The following TFAP4 variants were observed in gnomAD, a reference collection of about 807,000 sequenced individuals.
The protein encoded by TFAP4 is transcription factor AP-4.
Under a neutral mutation model 40.4 loss-of-function variants are expected in TFAP4, and 7 were observed. The ratio of observed to expected loss-of-function variants is 0.17; its 90% CI spans 0.10 to 0.33. The LOEUF (loss-of-function observed/expected upper bound fraction) is 0.33, where lower values mean the gene tolerates loss of function less well. Ranked by LOEUF, TFAP4 falls within the 10% of genes least tolerant of loss-of-function variation. TFAP4 has a pLI of 1.00. For missense variants in TFAP4, 374 were observed against 451.1 expected, an observed-to-expected ratio of 0.83 and a Z score of 1.55; for synonymous variants, 218 against 181.4, an observed-to-expected ratio of 1.20 and a Z score of -1.62.
chr16:4,265,609 C>CAAGA (rs2052987637), intron 1 of TFAP4: 5 of 39,086 alleles, frequency 1.3e-4, no homozygotes, highest in Non-Finnish European at 1.8e-4. Context: ...GACCTTGTCT[C>CAAGA]AAAAAAAAAA....
At chr16:4,272,094 C>T (rs1013204239) in intron 1 of TFAP4, among the ~76,000 whole-genome samples, 1 of 151,214 alleles carries the variant, frequency 6.6e-6, no homozygotes, top group East Asian at 2.0e-4. Flanking sequence ...TCCGCCCACC[C>T]CCAACACCCA....
At position 4,257,871 on chromosome 16, in the gene TFAP4, C is replaced by G; in HGVS notation, c.*184G>C. The G allele has an allele frequency of 1.5e-6, 1 of 645,266 alleles. No individual in the cohort carries two copies. The highest frequency in any genetic ancestry group is 3.0e-5 in the East Asian group (1 of 33,408). The allele number at this position is 645,266 out of a possible 1,614,324, so 40.0% of individuals were successfully genotyped here. On this transcript the variant is annotated 3_prime_UTR_variant, in exon 7 of 7. Transcript: ENST00000204517. ...CACACGCTCTGCGACACCCCAGCCC[C>G]GGGACCTCGGGTTGAGTGGCTTCGT...
chr16:4,258,336 AC>A, intron 6 of TFAP4, 87 bp from the exon 7 acceptor site: 1 of 1,305,170 alleles, frequency 7.7e-7, no homozygotes, highest in Non-Finnish European at 1.1e-6. Flanking sequence ...AGCCACTGTC[AC>A]CCCCAAAACA....
At chr16:4,258,986 G>A in intron 6 of TFAP4, among the ~76,000 whole-genome samples, 1 of 152,016 alleles carries the variant, frequency 6.6e-6, no homozygotes, top group East Asian at 2.0e-4. Context: ...TACTTGGGAG[G>A]CTGAGGCAGG....
At position 4,262,427 on chromosome 16, in the gene TFAP4, G is replaced by C; in HGVS notation, c.256-5C>G. 6.2e-7 allele frequency: 1 copy of C among 1,614,160 alleles called. No homozygotes were observed. The highest frequency in any genetic ancestry group is 8.5e-7 in the Non-Finnish European group (1 of 1,180,022). On this transcript the variant is annotated splice_polypyrimidine_tract_variant and splice_region_variant and intron_variant, in intron 2 of 6. Coordinates refer to ENST00000204517, the MANE Select transcript of TFAP4 (RefSeq NM_003223.3). The stretch of plus-strand genomic sequence containing the variant: ...TGTCTGCTGGAGAATGGCTGCCTGA[G>C]GGCGTGGAAAAGCCGAGAGTCAGGC...
In TFAP4 at chr16:4,258,203, T is replaced by C. The variant is rs768098928; in HGVS notation, c.869A>G (p.Glu290Gly). The C allele has an allele frequency of 1.3e-5, 21 of 1,608,828 alleles. No individual in the cohort carries two copies. The highest frequency in any genetic ancestry group is 1.2e-5 in the Non-Finnish European group (14 of 1,176,232). Residue 290 changes from glutamate (E) to glycine (G), a missense_variant, in exon 7 of 7, where the codon GAG becomes GGG. Physicochemically the swap from Glu to Gly is moderately conservative, Grantham distance 98 (BLOSUM62 -2). Coordinates refer to ENST00000204517, the MANE Select transcript of TFAP4 (RefSeq NM_003223.3). ...CACGATGACAGCTCGCCGCTGCTCC[T>C]CCTCCAGCTCCTGCTTTTCCTGGGT... is the stretch of plus-strand genomic sequence containing the variant. ...EGTQEKQELE[E>G]EQRRAVIVKP...
intron 1 of TFAP4, among the ~76,000 whole-genome samples, chr16:4,272,156 A>T (rs1206792258): frequency 6.7e-6 from 1 of 149,868 alleles, no homozygotes; most frequent in Non-Finnish European, 1.5e-5. Flanking sequence ...AAACACGCAC[A>T]GTGCCCGGCT....
rs1483582889 is a variant in TFAP4, at chr16:4,261,843, T to C, written c.461A>G (p.Glu154Gly). ...CAGCTGCTGCCGCAGCTCAATCATC[T>C]CCCGCCGCAGGTCCTCCGCCTTCTC... ...EDEKAEDLRR[E>G]MIELRQQLDK... Residue 154 changes from glutamate (E) to glycine (G), a missense_variant, in exon 4 of 7, where the codon GAG becomes GGG. Around this residue, in one of 6 missense-constraint regions of TFAP4, gnomAD observed 161 missense variants for 154.2 expected, o/e 1.04. Coordinates refer to ENST00000204517, the MANE Select transcript of TFAP4 (RefSeq NM_003223.3). 1 of 1,612,544 alleles carries C rather than the reference T, an allele frequency of 6.2e-7. No homozygotes were observed. Among genetic ancestry groups the C allele is most frequent in the African/African-American group, 1.3e-5 (1 of 75,010 alleles).
rs774685047 is a variant in TFAP4, at chr16:4,258,123, C to CGGA, written c.946_948dup (p.Ser316dup). 73 of 1,613,758 alleles carry CGGA rather than the reference C, an allele frequency of 4.5e-5. 2 individuals are homozygous for CGGA. The South Asian group carries it at 7.5e-4, about 17-fold the overall frequency. On this transcript the variant is annotated inframe_insertion, in exon 7 of 7. Transcript: ENST00000204517. ...TCCATGGCGTCACTGTCTGAGGCCT[C>CGGA]GGAGTCGGAGGCGGTGTCAGAGGTG...
rs767712582 is a variant in TFAP4, at chr16:4,258,198, GCTC to G, written c.871_873del (p.Glu291del). The G allele has an allele frequency of 5.0e-6, 8 of 1,610,852 alleles. No homozygotes were observed. In the African/African-American group the frequency reaches 9.4e-5, roughly 19 times the overall value. ...GGCTTCACGATGACAGCTCGCCGCT[GCTC>G]CTCCTCCAGCTCCTGCTTTTCCTGG... On this transcript the variant is annotated inframe_deletion, in exon 7 of 7. Transcript: ENST00000204517.
In TFAP4 at chr16:4,262,215, T is replaced by C. The variant is rs1439257499; in HGVS notation, c.354+109A>G. On this transcript the variant is annotated intron_variant, in intron 3 of 6. Transcript: ENST00000204517. ...CAGGAAAAAAAGTGCCTGGAAGTACTTGTCAGTGGGCAAGAAGGGGCCTGC... is the reference window on the plus strand; with the variant it reads ...CAGGAAAAAAAGTGCCTGGAAGTACCTGTCAGTGGGCAAGAAGGGGCCTGC... The C allele has an allele frequency of 9.2e-6, 12 of 1,298,820 alleles. No individual in the cohort carries two copies. The South Asian group carries it at 1.2e-4, about 13-fold the overall frequency. The allele number at this position is 1,298,820 out of a possible 1,614,324, so 80.5% of individuals were successfully genotyped here. A position where few individuals can be genotyped will look rare whatever the true frequency, so the allele number is the denominator to read the frequency against.
rs1359109346 is a variant in TFAP4 at position 4,262,468 on chromosome 16, G to T, written c.256-46C>A. On this transcript the variant is annotated intron_variant, in intron 2 of 6. Transcript: ENST00000204517. ...AGAGTCAGGCTGGCAGTGTTTACCA[G>T]AGCTCACTTTCCTCTCCCAGCGGGA... The T allele has an allele frequency of 1.9e-6, 3 of 1,613,808 alleles. No homozygotes were observed. The South Asian group carries it at 3.3e-5, about 18-fold the overall frequency.
chr16:4,267,693 C>T (rs893318748), intron 1 of TFAP4, among the ~76,000 whole-genome samples: 3 of 152,230 alleles, frequency 2.0e-5, no homozygotes, highest in African/African-American at 7.2e-5. Flanking sequence ...TTTCACACTG[C>T]CCTGAAGTCA....
At chr16:4,264,317 C>G (rs2052973258) in intron 1 of TFAP4, 1 of 152,586 alleles carries the variant, frequency 6.6e-6, no homozygotes, top group Non-Finnish European at 1.5e-5. Context: ...CCCATCTGTC[C>G]AGCCTTGGCT....
chr16:4,260,224 T>TGGGGGTGGGGGGG lies in TFAP4; in HGVS notation c.687_688insCCCCCCCACCCCC (p.Thr230ProfsTer86). 8.9e-6 allele frequency: 2 copies of TGGGGGTGGGGGGG among 223,748 alleles called. No individual in the cohort carries two copies. The highest frequency in any genetic ancestry group is 1.6e-5 in the Non-Finnish European group (2 of 126,026). 13.9% of individuals were successfully genotyped at this position (223,748 alleles called of 1,614,324 possible). A position where few individuals can be genotyped will look rare whatever the true frequency, so the allele number is the denominator to read the frequency against. ...GGCACGATCACCGTGGGGTGGTGGG[T>TGGGGGTGGGGGGG]GGGGGCCGGAGGGGGCAGAAGCTGC... On this transcript the variant is annotated frameshift_variant, in exon 6 of 7. Coordinates refer to ENST00000204517, the MANE Select transcript of TFAP4 (RefSeq NM_003223.3). LOFTEE classifies it high-confidence loss of function.
intron 1 of TFAP4, chr16:4,264,326 C>T (rs932313015): frequency 1.3e-5 from 2 of 152,508 alleles, no homozygotes; most frequent in Admixed American, 1.3e-4. Flanking sequence ...CCAGCCTTGG[C>T]TCCCTGTGGG....
intron 1 of TFAP4, chr16:4,266,683 GAA>G: frequency 6.6e-6 from 1 of 152,202 alleles, no homozygotes; most frequent in South Asian, 2.1e-4. Context: ...ATACTGCACT[GAA>G]TAAAGTGGAT....
intron 1 of TFAP4, 178 bp from the exon 2 acceptor site, chr16:4,262,879 T>C: frequency 2.9e-6 from 2 of 684,974 alleles, no homozygotes; most frequent in Non-Finnish European, 4.9e-6. Context: ...TGGCTGCGGG[T>C]AAGATAGTCC....
chr16:4,268,026 A>G (rs1366805220), intron 1 of TFAP4: 1 of 152,332 alleles, frequency 6.6e-6, no homozygotes, highest in Non-Finnish European at 1.5e-5. Context: ...CTCAAGTGAA[A>G]AAGTCCAGCC....
Sources: gnomAD v4.1 joint callset for allele counts (sites outside exome capture counted in the v4.1 genomes callset) on GRCh38, gnomAD v4.1.1 for gene constraint, gnomAD v4.1.1 regional missense constraint, MANE v1.5 for transcripts, NCBI Gene and HGNC (gene_info 2026-07-23, HGNC 2026-07-21) for gene names.